The following GLI3 variants were observed in gnomAD, a reference collection of about 807,000 sequenced individuals.
The protein encoded by GLI3 is GLI family zinc finger 3, also known as transcription activator GLI3.
Under a neutral mutation model 100.8 loss-of-function variants are expected in GLI3, and 20 were observed. The ratio of observed to expected loss-of-function variants is 0.20; its 90% confidence interval spans 0.14 to 0.29. The LOEUF (loss-of-function observed/expected upper bound fraction) is 0.29. Among genes scored for constraint, GLI3 ranks in the 10% least tolerant of loss-of-function variants. The pLI, the probability that GLI3 is intolerant of heterozygous loss-of-function variation, is 1.00. For missense variants in GLI3, 2,040 were observed against 2,128.5 expected (o/e 0.96, Z 0.82); for synonymous variants, 938 against 860.5 (o/e 1.09, Z -1.58).
intron 2 of GLI3, among the ~76,000 whole-genome samples, chr7:42,214,100 T>C (rs867559243): frequency 6.6e-6 from 1 of 152,256 alleles, no homozygotes; most frequent in East Asian, 1.9e-4. Context: ...GGCCCCGTTA[T>C]TTCATTAATG....
chr7:42,163,573 C>T (rs1233606733), intron 2 of GLI3, among the ~76,000 whole-genome samples: 2 of 151,936 alleles, frequency 1.3e-5, no homozygotes, highest in Admixed American at 6.6e-5. Flanking sequence ...GAATTACAGG[C>T]GCCCGCCAGC....
chr7:42,180,989 C>T (rs1583626636), intron 2 of GLI3, among the ~76,000 whole-genome samples: 1 of 152,156 alleles, frequency 6.6e-6, no homozygotes, highest in African/African-American at 2.4e-5. Context: ...TCAAAGGCTA[C>T]AGTGTAAATA....
chr7:42,215,870 T>TTCAATCCTCAATCC (rs71006466), intron 2 of GLI3, among the ~76,000 whole-genome samples: 7 of 151,134 alleles, frequency 4.6e-5, no homozygotes, highest in East Asian at 2.0e-4. Flanking sequence ...TAGCCAATCC[T>TTCAATCCTCAATCC]TCAATCCTCA....
intron 2 of GLI3, among the ~76,000 whole-genome samples, chr7:42,191,670 A>ATATG (rs1787830936): frequency 6.6e-6 from 1 of 150,604 alleles, no homozygotes; most frequent in Non-Finnish European, 1.5e-5. Context: ...ATATATATAT[A>ATATG]TATAATATTT....
intron 2 of GLI3, among the ~76,000 whole-genome samples, chr7:42,202,367 C>G (rs995960487): frequency 6.6e-6 from 1 of 151,568 alleles, no homozygotes; most frequent in South Asian, 2.1e-4. Context: ...CACACACACA[C>G]ACACACACAC....
chr7:42,126,378 C>T (rs963392316), intron 3 of GLI3, among the ~76,000 whole-genome samples: 2 of 152,210 alleles, frequency 1.3e-5, no homozygotes, highest in Non-Finnish European at 1.5e-5. Flanking sequence ...TTGTAACATG[C>T]CTCAGCAAGT....
chr7:42,196,856 T>C, intron 2 of GLI3, among the ~76,000 whole-genome samples: 1 of 152,192 alleles, frequency 6.6e-6, no homozygotes, highest in South Asian at 2.1e-4. Context: ...TGAATATTGG[T>C]TGGCAGCATG....
chr7:42,218,674 T>C (rs1042258444), intron 2 of GLI3, among the ~76,000 whole-genome samples: 6 of 152,242 alleles, frequency 3.9e-5, no homozygotes, highest in African/African-American at 1.4e-4. Flanking sequence ...AGAATCAAAG[T>C]GAACAGGGAA....
In GLI3 at chr7:41,967,718, G is replaced by A. The variant is rs144772281; in HGVS notation, c.2309C>T (p.Ala770Val). 71 of 1,614,080 alleles carry A rather than the reference G, an allele frequency of 4.4e-5. No homozygotes were observed. Among genetic ancestry groups the A allele is most frequent in the Non-Finnish European group, 5.9e-5 (70 of 1,180,034 alleles). The change falls in exon 14 of 15, where the codon GCA (alanine) becomes GTA (valine). Residue 770 changes from alanine to valine, a missense_variant. Physicochemically the swap from Ala to Val is moderately conservative, Grantham distance 64. Around this residue, in one of 5 missense-constraint regions of GLI3, gnomAD observed 327 missense variants for 338.7 expected, o/e 0.97. Transcript: ENST00000395925. ...ALALQARRNP[A>V]GTKWMEHVKL... The stretch of plus-strand genomic sequence containing the variant: ...TACGTGCTCCATCCATTTGGTCCCT[G>A]CCGGGTTTCTCCTGGCTTGCAAAGC...
At chr7:42,129,739 G>A (rs1004678422) in intron 3 of GLI3, among the ~76,000 whole-genome samples, 1 of 152,070 alleles carries the variant, frequency 6.6e-6, no homozygotes, top group South Asian at 2.1e-4. Context: ...GAACCCGGGA[G>A]GCGGAGCTTG....
chr7:41,968,183 C>T (rs751063394), intron 13 of GLI3, among the ~76,000 whole-genome samples: 2 of 152,172 alleles, frequency 1.3e-5, no homozygotes, highest in Admixed American at 1.3e-4. Flanking sequence ...GCCATGGAAT[C>T]CTGCCCCAAT....
At chr7:42,084,930 T>TTTTTTTTTTTTTTTC (rs1785071558) in intron 3 of GLI3, among the ~76,000 whole-genome samples, 2 of 104,122 alleles carry the variant, frequency 1.9e-5, no homozygotes, top group African/African-American at 8.1e-5. Context: ...TTTTTTTTTT[T>TTTTTTTTTTTTTTTC]AGATTGAGTC....
At chr7:42,096,316 C>T (rs1426574782) in intron 3 of GLI3, among the ~76,000 whole-genome samples, 1 of 152,160 alleles carries the variant, frequency 6.6e-6, no homozygotes, top group Non-Finnish European at 1.5e-5. Flanking sequence ...GAATAGGACG[C>T]AGGTTAGCTC....
chr7:41,989,897 C>T (rs994752413), intron 10 of GLI3, among the ~76,000 whole-genome samples: 3 of 149,626 alleles, frequency 2.0e-5, no homozygotes, highest in African/African-American at 4.9e-5. Context: ...AATTAGCACA[C>T]GCCTGTAGTC....
At chr7:42,146,168 A>C (rs1424126526) in intron 3 of GLI3, among the ~76,000 whole-genome samples, 1 of 152,180 alleles carries the variant, frequency 6.6e-6, no homozygotes, top group African/African-American at 2.4e-5. Flanking sequence ...TTATCACATA[A>C]TTTTAACACT....
chr7:41,965,371 G>A lies in GLI3; in HGVS notation c.3702C>T (p.Ser1234=), dbSNP rs1398550707. Residue 1234 remains serine (S), a synonymous_variant, in exon 15 of 15, where the codon AGC becomes AGT. Transcript: ENST00000395925. ...CGTTTCCACTGGTGCCACTTCCGGG[G>A]CTGTTGTGGAGCATCAAGTGCTCTG... is the stretch of plus-strand genomic sequence containing the variant. The part of the protein sequence containing the change: ...GGPEHLMLHN[S]PGSGTSGNAF... The A allele has an allele frequency of 6.2e-7, 1 of 1,613,080 alleles. No individual in the cohort carries two copies. Among genetic ancestry groups the A allele is most frequent in the South Asian group, 1.1e-5 (1 of 91,004 alleles).
chr7:41,982,272 A>G (rs1348909849), intron 10 of GLI3, among the ~76,000 whole-genome samples: 7 of 152,204 alleles, frequency 4.6e-5, no homozygotes, highest in Non-Finnish European at 1.5e-5. Context: ...TGCTATAAGG[A>G]AAAAGGGAGG....
At chr7:42,112,138 A>G (rs1013510461) in intron 3 of GLI3, among the ~76,000 whole-genome samples, 4 of 152,226 alleles carry the variant, frequency 2.6e-5, no homozygotes, top group African/African-American at 9.6e-5. Context: ...TCTGCCGTCT[A>G]TGATAATATC....
At chr7:42,161,943 T>C (rs1443250386) in intron 2 of GLI3, among the ~76,000 whole-genome samples, 1 of 152,120 alleles carries the variant, frequency 6.6e-6, no homozygotes, top group African/African-American at 2.4e-5. Flanking sequence ...CCAGCCCAGG[T>C]TGGTTCTTCA....
Sources: gnomAD v4.1 joint callset for allele counts (sites outside exome capture counted in the v4.1 genomes callset) on GRCh38, gnomAD v4.1.1 for gene constraint, gnomAD v4.1.1 regional missense constraint, MANE v1.5 for transcripts, NCBI Gene and HGNC (gene_info 2026-07-23, HGNC 2026-07-21) for gene names.